Variants in RSF1 observed in about 807,000 individuals in gnomAD.
RSF1 encodes the protein HBV pX-associated protein 8.
Under a neutral mutation model 145.2 loss-of-function variants are expected in RSF1, and 13 were observed. The observed-to-expected ratio is 0.09, with a 90% CI of 0.06 to 0.14. The LOEUF is 0.14. Ranked by LOEUF, RSF1 falls within the 10% of genes least tolerant of loss-of-function variation. The probability of loss-of-function intolerance (pLI) is 1.00; values close to 1 mark genes in which losing one functional copy is unlikely to be tolerated. For missense variants in RSF1, 1,517 were observed against 1,718.2 expected (o/e 0.88, Z 2.07); for synonymous variants, 577 against 592.6 (o/e 0.97, Z 0.38).
At chr11:77,753,277 T>C (rs959070403) in intron 2 of RSF1, among the ~76,000 whole-genome samples, 2 of 152,216 alleles carry the variant, frequency 1.3e-5, no homozygotes, top group Admixed American at 6.5e-5. Context: ...GCAAAAATTA[T>C]ACTAGCGAAA....
intron 3 of RSF1, among the ~76,000 whole-genome samples, chr11:77,745,999 T>C (rs796290611): frequency 1.3e-5 from 2 of 152,096 alleles, no homozygotes; most frequent in South Asian, 2.1e-4. Context: ...ATATATAATG[T>C]ATGTAATACT....
rs182484209 is a variant in RSF1 at position 77,783,833 on chromosome 11, C to A, written c.188-19144G>T. ...CTCCAGCCTGGGTGACAGAGCAAGA[C>A]CCGATTTCAAAAAAAAAAAGTTACT... On this transcript the variant is annotated intron_variant, in intron 1 of 15. Coordinates refer to ENST00000308488, the MANE Select transcript of RSF1 (RefSeq NM_016578.4). Among the ~76,000 whole-genome samples, 264 of 151,998 alleles carry A rather than the reference C, an allele frequency of 1.7e-3. 3 individuals carry two copies. Among genetic ancestry groups the A allele is most frequent in the Admixed American group, 0.016 (240 of 15,280 alleles).
In RSF1 at chr11:77,716,773, G is replaced by T. The variant is rs544084832; in HGVS notation, c.733+8772C>A. Among the ~76,000 whole-genome samples the T allele has an allele frequency of 3.3e-5, 5 of 152,286 alleles. No homozygotes were observed. The South Asian group carries it at 1.0e-3, about 32-fold the overall frequency. Reference sequence around the variant, plus strand: ...CTTTAAGTGCTCTCATCACAAAAAAGATAAGTCTGTGAGTCAATGCATATG... The same window carrying T: ...CTTTAAGTGCTCTCATCACAAAAAATATAAGTCTGTGAGTCAATGCATATG... On this transcript the variant is annotated intron_variant, in intron 5 of 15. Transcript: ENST00000308488.
intron 1 of RSF1, among the ~76,000 whole-genome samples, chr11:77,767,336 A>G (rs1030594409): frequency 6.6e-6 from 1 of 152,180 alleles, no homozygotes; most frequent in Non-Finnish European, 1.5e-5. Context: ...TCGCATCAGA[A>G]AAACAGCTAT....
At chr11:77,784,110 C>A (rs7105526) in intron 1 of RSF1, among the ~76,000 whole-genome samples, 26,852 of 152,030 alleles carry the variant, frequency 0.18, 2,941 homozygotes, top group African/African-American at 0.29. Flanking sequence ...TTGGCTCCAT[C>A]CTCCTTCTAG....
intron 1 of RSF1, among the ~76,000 whole-genome samples, chr11:77,781,344 C>T (rs1948401985): frequency 6.6e-6 from 1 of 152,148 alleles, no homozygotes; most frequent in African/African-American, 2.4e-5. Flanking sequence ...AGTGTTCTGC[C>T]CACCTCAGCC....
chr11:77,837,891 A>AAAAT, the RSF1 span, among the ~76,000 whole-genome samples: 1,237 of 152,146 alleles, frequency 8.1e-3, 14 homozygotes, highest in African/African-American at 0.026. Flanking sequence ...CCTGGCTCTA[A>AAAAT]AAATAAATAA....
chr11:77,667,104 A>G lies in RSF1; in HGVS notation c.4139T>C (p.Ile1380Thr). ...AGTAGGCTTGCCAATCAAGTTCTCA[A>G]TGGCTTTGCCAGGGCTCTGTCCATT... The part of the protein sequence containing the change: ...STNGQSPGKA[I>T]ENLIGKPTEK... Residue 1380 changes from isoleucine (I) to threonine (T), a missense_variant, in exon 16 of 16, where the codon ATT becomes ACT. Transcript: ENST00000308488. The G allele has an allele frequency of 6.2e-7, 1 of 1,614,170 alleles. No individual in the cohort carries two copies. The highest frequency in any genetic ancestry group is 8.5e-7 in the Non-Finnish European group (1 of 1,180,020).
At chr11:77,806,323 A>T (rs982220759) in intron 1 of RSF1, among the ~76,000 whole-genome samples, 1 of 152,176 alleles carries the variant, frequency 6.6e-6, no homozygotes, top group Non-Finnish European at 1.5e-5. Flanking sequence ...AACTATACTC[A>T]GAGGATTCAA....
chr11:77,738,583 G>GT (rs1961424750), intron 4 of RSF1: 2 of 152,188 alleles, frequency 1.3e-5, no homozygotes, highest in African/African-American at 4.8e-5. Flanking sequence ...TCTACAGATG[G>GT]TAAGTGGATG....
chr11:77,832,947 ATATATGTGTG>A, the RSF1 span, among the ~76,000 whole-genome samples: 15 of 83,696 alleles, frequency 1.8e-4, no homozygotes, highest in Admixed American at 3.7e-4. Context: ...TATTGTATAT[ATATATGTGTG>A]TGTGTGTGTG....
At chr11:77,870,764 C>G in the RSF1 span, among the ~76,000 whole-genome samples, 16 of 152,162 alleles carry the variant, frequency 1.1e-4, no homozygotes, top group Non-Finnish European at 2.2e-4. Context: ...GTATATTTCT[C>G]CAGTCTTCTC....
chr11:77,720,300 A>G (rs1960914529), intron 5 of RSF1, among the ~76,000 whole-genome samples: 1 of 152,216 alleles, frequency 6.6e-6, no homozygotes, highest in South Asian at 2.1e-4. Flanking sequence ...TCTTCTTTCA[A>G]TTAGTAGAAT....
At chr11:77,818,269 T>C (rs1462644859) in intron 1 of RSF1, among the ~76,000 whole-genome samples, 1 of 152,180 alleles carries the variant, frequency 6.6e-6, no homozygotes, top group African/African-American at 2.4e-5. Context: ...CTAAAATAAA[T>C]GTAGATTCAA....
chr11:77,686,422 A>AAAAAAAAAAAAAAAAAAAAAC (rs1454324021), intron 9 of RSF1, among the ~76,000 whole-genome samples: 1 of 149,574 alleles, frequency 6.7e-6, no homozygotes, highest in South Asian at 2.1e-4. Context: ...AAAAAAAAAA[A>AAAAAAAAAAAAAAAAAAAAAC]AAAAAAGCAG....
chr11:77,741,090 A>G lies in RSF1; in HGVS notation c.373-154T>C, dbSNP rs564934682. Among the ~76,000 whole-genome samples the G allele has an allele frequency of 3.3e-5, 5 of 152,328 alleles. No individual in the cohort carries two copies. The South Asian group carries it at 1.0e-3, about 32-fold the overall frequency. On this transcript the variant is annotated intron_variant, in intron 3 of 15. Coordinates refer to ENST00000308488, the MANE Select transcript of RSF1 (RefSeq NM_016578.4). ...CACTATCCTCTTCCCACTTTCATAC[A>G]AACTGTTTAGAATAGCCAATATTTT...
intron 1 of RSF1, among the ~76,000 whole-genome samples, chr11:77,816,684 C>A (rs186809068): frequency 3.3e-4 from 50 of 152,276 alleles, no homozygotes; most frequent in Non-Finnish European, 5.7e-4. Flanking sequence ...GAAATATTCT[C>A]TGCAGGAGAG....
intron 1 of RSF1, among the ~76,000 whole-genome samples, chr11:77,792,740 A>G (rs1429595992): frequency 1.3e-5 from 2 of 152,064 alleles, no homozygotes; most frequent in Admixed American, 1.3e-4. Flanking sequence ...AAGGTCTGAA[A>G]AAAAAAAAAA....
At chr11:77,814,476 C>T (rs1037811728) in intron 1 of RSF1, among the ~76,000 whole-genome samples, 4 of 152,072 alleles carry the variant, frequency 2.6e-5, no homozygotes, top group South Asian at 2.1e-4. Flanking sequence ...GACAGAGTCT[C>T]GCTCTGTCAC....
Sources: gnomAD v4.1 joint callset for allele counts (sites outside exome capture counted in the v4.1 genomes callset) on GRCh38, gnomAD v4.1.1 for gene constraint, MANE v1.5 for transcripts, NCBI Gene and HGNC (gene_info 2026-07-23, HGNC 2026-07-21) for gene names.